Variants in CA6 observed in about 807,000 individuals in gnomAD.
CA6 encodes carbonate dehydratase VI.
A neutral mutation model predicts 35.9 loss-of-function variants in CA6; 28 were observed. That is an observed-to-expected ratio of 0.78 (90% CI 0.58 to 1.07). The LOEUF (loss-of-function observed/expected upper bound fraction) is 1.07, where lower values mean the gene tolerates loss of function less well. Ranked by LOEUF, CA6 falls within the 50% of genes least tolerant of loss-of-function variation. CA6 has a pLI of 0.00. For synonymous variants in CA6, 148 were observed against 152.6 expected, an observed-to-expected ratio of 0.97 and a Z score of 0.22; for missense variants, 377 against 382.0, an observed-to-expected ratio of 0.99 and a Z score of 0.11.
intron 5 of CA6, among the ~76,000 whole-genome samples, chr1:8,966,983 T>TAA (rs143943561): frequency 0.12 from 14,424 of 119,684 alleles, 1,372 homozygotes; most frequent in African/African-American, 0.3. Context: ...TTTAAAAAAA[T>TAA]AATAAAAAAA....
At chr1:8,959,918 C>T (rs1639791875) in intron 4 of CA6, among the ~76,000 whole-genome samples, 1 of 112,596 alleles carries the variant, frequency 8.9e-6, no homozygotes, top group Admixed American at 1.0e-4. Flanking sequence ...GGCAATAAAG[C>T]TAGATTCTAT....
At chr1:8,954,343 T>A (rs115550744) in intron 2 of CA6, among the ~76,000 whole-genome samples, 2,258 of 152,298 alleles carry the variant, frequency 0.015, 57 homozygotes, top group African/African-American at 0.051. Flanking sequence ...TTTTATAATT[T>A]TAGTAAAGAC....
Position 8,973,484 on chromosome 1 carries a change from A to G in CA6, c.845-1138A>G, listed in dbSNP as rs182721205. Among the ~76,000 whole-genome samples the G allele has an allele frequency of 4.0e-3, 603 of 152,266 alleles. 10 individuals are homozygous for G. The highest frequency in any genetic ancestry group is 1.7e-3 in the South Asian group (8 of 4,820). On this transcript the variant is annotated intron_variant, in intron 7 of 7. Coordinates refer to ENST00000377443, the MANE Select transcript of CA6 (RefSeq NM_001215.4). Reference sequence around the variant, plus strand: ...TAGCATCTCCTCACGAGGGGGTCAGATGTTCTAGGTACCGGCCCCAGACTG... The same window carrying G: ...TAGCATCTCCTCACGAGGGGGTCAGGTGTTCTAGGTACCGGCCCCAGACTG...
rs769408345 is a variant in CA6 at position 8,951,459 on chromosome 1, C to T, written c.259+2017C>T. On this transcript the variant is annotated intron_variant, in intron 2 of 7. Transcript: ENST00000377443. Reference sequence around the variant, plus strand: ...GAACTCTTCCTCCCCTCCTTGTCCTCTCCTTGTGGAGAAGGGGCGAAGCAC... The same window carrying T: ...GAACTCTTCCTCCCCTCCTTGTCCTTTCCTTGTGGAGAAGGGGCGAAGCAC... 7.8e-5 allele frequency: 60 copies of T among 764,872 alleles called. 1 individual carries two copies. The highest frequency in any genetic ancestry group is 7.8e-4 in the African/African-American group (46 of 59,086). The allele number at this position is 764,872 out of a possible 1,614,324, so 47.4% of individuals were successfully genotyped here. A position where few individuals can be genotyped will look rare whatever the true frequency, so the allele number is the denominator to read the frequency against.
intron 4 of CA6, among the ~76,000 whole-genome samples, chr1:8,959,414 A>G (rs1639775083): frequency 6.6e-6 from 1 of 151,724 alleles, no homozygotes; most frequent in South Asian, 2.1e-4. Context: ...TCCCAGGTTC[A>G]AATGATTCTC....
Position 8,970,894 on chromosome 1 carries a change from G to C in CA6, c.757G>C (p.Asp253His). 2 of 1,613,810 alleles carry C rather than the reference G, an allele frequency of 1.2e-6. No individual in the cohort carries two copies. The highest frequency in any genetic ancestry group is 1.7e-6 in the Non-Finnish European group (2 of 1,179,770). The change falls in exon 7 of 8, where the codon GAT becomes CAT. Residue 253 changes from aspartate to histidine, a missense_variant. Coordinates refer to ENST00000377443, the MANE Select transcript of CA6 (RefSeq NM_001215.4). ...QVWKLENSLL[D>H]HRNKTIHNDY... ...TTGGAAGCTGGAGAATTCCTTACTG[G>C]ATCACCGCAACAAGACCATCCACAA...
At chr1:8,959,384 G>C (rs976211742) in intron 4 of CA6, among the ~76,000 whole-genome samples, 1 of 149,820 alleles carries the variant, frequency 6.7e-6, no homozygotes, top group African/African-American at 2.5e-5. Flanking sequence ...GCACAATCTC[G>C]GCTCACTGCA....
chr1:8,973,479 G>T (rs74803432), intron 7 of CA6, among the ~76,000 whole-genome samples: 3,019 of 152,294 alleles, frequency 0.02, 54 homozygotes, highest in Non-Finnish European at 0.03. Context: ...TCACGAGGGG[G>T]TCAGATGTTC....
intron 5 of CA6, among the ~76,000 whole-genome samples, chr1:8,966,983 T>TGA (rs1553163603): frequency 1.7e-5 from 2 of 119,730 alleles, no homozygotes; most frequent in African/African-American, 6.1e-5. Flanking sequence ...TTTAAAAAAA[T>TGA]AATAAAAAAA....
At position 8,974,616 on chromosome 1, in the gene CA6, T is replaced by A. The variant is rs923187787; in HGVS notation, c.845-6T>A. On this transcript the variant is annotated splice_polypyrimidine_tract_variant and splice_region_variant and intron_variant, in intron 7 of 7. Transcript: ENST00000377443. ...AACCATTTCCGACTAACTCTTCTTT[T>A]TACAGAATACACTCTAGGCTCTGAA... The A allele has an allele frequency of 6.3e-7, 1 of 1,596,080 alleles. No homozygotes were observed. The highest frequency in any genetic ancestry group is 1.3e-5 in the African/African-American group (1 of 74,452).
chr1:8,970,754 G>T, intron 6 of CA6, 113 bp from the exon 7 acceptor site: 1 of 743,980 alleles, frequency 1.3e-6, no homozygotes, highest in South Asian at 1.5e-5. Context: ...GCCCGCCCCA[G>T]CCTCCCAAAA....
chr1:8,972,381 CTT>C (rs1640132950), intron 7 of CA6, among the ~76,000 whole-genome samples: 1 of 151,366 alleles, frequency 6.6e-6, no homozygotes, highest in Admixed American at 6.6e-5. Flanking sequence ...CCTTTTAAAA[CTT>C]AAATTTCCTC....
At position 8,958,965 on chromosome 1, in the gene CA6, C is replaced by A; in HGVS notation, c.464C>A (p.Ala155Glu). ...AAGAGCTATGATATAGCCCAAGATG[C>A]GCCGGATGGTTTGGCTGTACTGGCA... ...KYKSYDIAQD[A>E]PDGLAVLAAF... is the part of the protein sequence containing the mutation. Residue 155 changes from alanine (A) to glutamate (E), a missense_variant, in exon 4 of 8, where the codon GCG (alanine) becomes GAG (glutamate). Physicochemically the swap from Ala to Glu is moderately radical, Grantham distance 107. Transcript: ENST00000377443. 6.2e-7 allele frequency: 1 copy of A among 1,612,836 alleles called. No homozygotes were observed. The highest frequency in any genetic ancestry group is 8.5e-7 in the Non-Finnish European group (1 of 1,178,982).
intron 1 of CA6, among the ~76,000 whole-genome samples, chr1:8,948,739 G>T (rs899468226): frequency 1.9e-4 from 29 of 152,130 alleles, no homozygotes; most frequent in African/African-American, 7.0e-4. Flanking sequence ...GGAGGCCAAG[G>T]TGGGTGGATC....
intron 6 of CA6, among the ~76,000 whole-genome samples, chr1:8,968,049 C>T (rs1340430689): frequency 6.9e-6 from 1 of 144,520 alleles, no homozygotes; most frequent in Non-Finnish European, 1.5e-5. Flanking sequence ...CTCACTGCAA[C>T]CTCCGCCTCC....
At chr1:8,960,605 T>A (rs1325804361) in intron 4 of CA6, among the ~76,000 whole-genome samples, 3 of 151,406 alleles carry the variant, frequency 2.0e-5, no homozygotes, top group African/African-American at 7.3e-5. Flanking sequence ...CCAAAGCAGA[T>A]CTGAGGCAGC....
intron 7 of CA6, among the ~76,000 whole-genome samples, chr1:8,973,783 T>C (rs568078604): frequency 0.013 from 296 of 23,542 alleles, 29 homozygotes; most frequent in African/African-American, 0.052. Context: ...TTTCTTTCTT[T>C]CTTTTCCCTC....
intron 3 of CA6, among the ~76,000 whole-genome samples, chr1:8,957,645 C>T (rs896506286): frequency 6.6e-6 from 1 of 151,582 alleles, no homozygotes; most frequent in Non-Finnish European, 1.5e-5. Flanking sequence ...CCAGCCGTCA[C>T]TTTTCTTATT....
intron 6 of CA6, among the ~76,000 whole-genome samples, chr1:8,969,156 A>G (rs969001536): frequency 6.6e-6 from 1 of 152,118 alleles, no homozygotes; most frequent in African/African-American, 2.4e-5. Context: ...TCTACTAAAG[A>G]TACAAAAAAT....
Sources: allele counts gnomAD v4.1 joint callset (sites outside exome capture counted in the v4.1 genomes callset), GRCh38; gene constraint gnomAD v4.1.1; transcripts MANE v1.5; gene names NCBI Gene and HGNC (gene_info 2026-07-23, HGNC 2026-07-21).